GLIS1: variants seen among roughly 807,000 people sequenced by gnomAD.
The protein encoded by GLIS1 is zinc finger protein GLIS1.
In GLIS1, 24 loss-of-function variants were observed where a neutral mutation model predicts 63.8. The observed-to-expected ratio is 0.38, with a 90% confidence interval of 0.27 to 0.53. The LOEUF (loss-of-function observed/expected upper bound fraction) is 0.53, where lower values mean the gene tolerates loss of function less well. GLIS1 is among the 20% of genes least tolerant of loss of function. GLIS1 has a pLI of 0.85. For synonymous variants in GLIS1, 450 were observed against 482.5 expected (o/e 0.93, Z 0.88); for missense variants, 1,036 against 1,074.1 (o/e 0.96, Z 0.50).
At chr1:53,518,101 C>T (rs1644370453) in intron 7 of GLIS1, among the ~76,000 whole-genome samples, 2 of 152,208 alleles carry the variant, frequency 1.3e-5, no homozygotes, top group South Asian at 2.1e-4. Flanking sequence ...CTGCGGCCTG[C>T]AGAAGAACCC....
chr1:53,662,273 A>G (rs17109045), intron 2 of GLIS1, among the ~76,000 whole-genome samples: 2,484 of 152,268 alleles, frequency 0.016, 50 homozygotes, highest in African/African-American at 0.055. Context: ...CTATAAAAAC[A>G]TGCAGCATTA....
At chr1:53,709,814 G>A (rs1646627466) in intron 2 of GLIS1, among the ~76,000 whole-genome samples, 1 of 152,164 alleles carries the variant, frequency 6.6e-6, no homozygotes, top group African/African-American at 2.4e-5. Flanking sequence ...TCAGTGACTG[G>A]GTGGGTGGAT....
At chr1:53,623,461 TC>T (rs1645566062) in intron 2 of GLIS1, among the ~76,000 whole-genome samples, 1 of 152,104 alleles carries the variant, frequency 6.6e-6, no homozygotes, top group Admixed American at 6.5e-5. Flanking sequence ...GCTGAATGTT[TC>T]CCCCCAAGAC....
intron 2 of GLIS1, among the ~76,000 whole-genome samples, chr1:53,653,079 C>A (rs1645926116): frequency 6.6e-6 from 1 of 150,604 alleles, no homozygotes; most frequent in African/African-American, 2.4e-5. Context: ...CTCCTGTGGG[C>A]AGGCCCTGTG....
chr1:53,665,296 C>G (rs1646079213), intron 2 of GLIS1, among the ~76,000 whole-genome samples: 1 of 152,050 alleles, frequency 6.6e-6, no homozygotes, highest in Admixed American at 6.5e-5. Flanking sequence ...CTAGTAGGAA[C>G]ATGGGGAAGA....
intron 2 of GLIS1, among the ~76,000 whole-genome samples, chr1:53,682,961 G>A (rs1045780253): frequency 6.6e-6 from 1 of 152,198 alleles, no homozygotes; most frequent in African/African-American, 2.4e-5. Context: ...AGAGGAATCA[G>A]GAAGTCTTCC....
chr1:53,685,451 C>T (rs1211552903), intron 2 of GLIS1, among the ~76,000 whole-genome samples: 1 of 152,230 alleles, frequency 6.6e-6, no homozygotes, highest in Admixed American at 6.5e-5. Context: ...CTGACCTCCT[C>T]GGCAATGTTT....
Position 53,581,253 on chromosome 1 carries a change from G to A in GLIS1, c.1320+12855C>T, listed in dbSNP as rs146293644. Among the ~76,000 whole-genome samples the A allele has an allele frequency of 9.4e-3, 1,433 of 152,262 alleles. 13 individuals carry two copies. The highest frequency in any genetic ancestry group is 0.037 in the Middle Eastern group (11 of 294). On this transcript the variant is annotated intron_variant, in intron 4 of 10. Coordinates refer to ENST00000628545, the MANE Select transcript of GLIS1 (RefSeq NM_001367484.1). ...GGGCACTGGGCTGGCCTCCCTGGGC[G>A]GACAGTCCCAGCTAGGCTGACCCAG...
In GLIS1 at chr1:53,707,149, T is replaced by G. The variant is rs866875988; in HGVS notation, c.259+30657A>C. Among the ~76,000 whole-genome samples the G allele has an allele frequency of 5.9e-5, 9 of 152,206 alleles. No individual in the cohort carries two copies. The South Asian group carries it at 6.2e-4, about 11-fold the overall frequency. On this transcript the variant is annotated intron_variant, in intron 2 of 10. Transcript: ENST00000628545. ...CAGTCCCCTTCCTTCCCTGGCACCTTCCCAGGCTGTTTTGAAGCCCTGAAA... is the reference window on the plus strand; with the variant it reads ...CAGTCCCCTTCCTTCCCTGGCACCTGCCCAGGCTGTTTTGAAGCCCTGAAA...
chr1:53,553,208 C>T (rs1313802614), intron 4 of GLIS1, among the ~76,000 whole-genome samples: 1 of 152,156 alleles, frequency 6.6e-6, no homozygotes, highest in Non-Finnish European at 1.5e-5. Flanking sequence ...AGCGCAGCCT[C>T]GGGGCTGGAG....
At position 53,639,201 on chromosome 1, in the gene GLIS1, T is replaced by G. The variant is rs1264493026; in HGVS notation, c.260-38923A>C. ...CTAGAGATGAAGCCACACCAGCCGA[T>G]GCAGAGTACCCACATGACACTGGCC... On this transcript the variant is annotated intron_variant, in intron 2 of 10. Transcript: ENST00000628545. This position sits in a 1 kb window ranked among gnomAD's most constrained non-coding sequence, Gnocchi z 4.6. Among the ~76,000 whole-genome samples the G allele has an allele frequency of 6.6e-6, 1 of 152,114 alleles. No homozygotes were observed. Among genetic ancestry groups the G allele is most frequent in the Non-Finnish European group, 1.5e-5 (1 of 68,006 alleles).
In GLIS1 at chr1:53,560,124, A is replaced by T. The variant is rs1325396750; in HGVS notation, c.1321-30172T>A. Reference sequence around the variant, plus strand: ...CACACACACAACATAAGGAATTTCTAACCAGGACTCTGCTGTGGGCAGGGA... The same window carrying T: ...CACACACACAACATAAGGAATTTCTTACCAGGACTCTGCTGTGGGCAGGGA... On this transcript the variant is annotated intron_variant, in intron 4 of 10. Coordinates refer to ENST00000628545, the MANE Select transcript of GLIS1 (RefSeq NM_001367484.1). The surrounding 1 kb of genome is among the most constrained non-coding windows in gnomAD (Gnocchi z 4.4). Among the ~76,000 whole-genome samples the T allele has an allele frequency of 2.6e-5, 4 of 152,212 alleles. No homozygotes were observed. Among genetic ancestry groups the T allele is most frequent in the African/African-American group, 9.7e-5 (4 of 41,446 alleles).
intron 4 of GLIS1, among the ~76,000 whole-genome samples, chr1:53,544,282 T>C (rs548707940): frequency 4.6e-5 from 7 of 152,198 alleles, no homozygotes; most frequent in Admixed American, 6.5e-5. Context: ...GGGTTGCCAA[T>C]AGGGCTGAGG....
intron 8 of GLIS1, among the ~76,000 whole-genome samples, chr1:53,510,357 C>T (rs1644286757): frequency 6.6e-6 from 1 of 152,336 alleles, no homozygotes. Context: ...TGTCTCTGAG[C>T]CCTGGTTTCC....
Position 53,727,171 on chromosome 1 carries a change from G to A in GLIS1, c.259+10635C>T, listed in dbSNP as rs543085494. ...CTCTAAAAGCCATGTGGCCGCCTTT[G>A]GATAAGTAACATGACCTCTCTGAAC... On this transcript the variant is annotated intron_variant, in intron 2 of 10. Transcript: ENST00000628545. Among the ~76,000 whole-genome samples the A allele has an allele frequency of 5.3e-5, 8 of 152,346 alleles. No individual in the cohort carries two copies. The East Asian group carries it at 1.4e-3, about 26-fold the overall frequency.
chr1:53,572,027 C>G (rs983716877), intron 4 of GLIS1, among the ~76,000 whole-genome samples: 1 of 152,126 alleles, frequency 6.6e-6, no homozygotes, highest in East Asian at 1.9e-4. Context: ...AAGAAAGCAG[C>G]GAACACTAAA....
At chr1:53,540,571 C>T (rs2100366851) in intron 4 of GLIS1, among the ~76,000 whole-genome samples, 1 of 152,242 alleles carries the variant, frequency 6.6e-6, no homozygotes, top group Admixed American at 6.5e-5. Flanking sequence ...AACATTAGTC[C>T]CCTTTTGGGA....
chr1:53,571,655 C>A (rs143853855), intron 4 of GLIS1, among the ~76,000 whole-genome samples: 1,970 of 152,218 alleles, frequency 0.013, 24 homozygotes, highest in Middle Eastern at 0.048. Context: ...GGGCTCGCTG[C>A]AAGCTCCACC....
Position 53,613,993 on chromosome 1 carries a change from G to A in GLIS1, c.260-13715C>T, listed in dbSNP as rs12402528. On this transcript the variant is annotated intron_variant, in intron 2 of 10. Transcript: ENST00000628545. ...ATATTTATAAGAATTAATTATAAGC[G>A]CAGGATTCAAAATTCCATATACTAA... Among the ~76,000 whole-genome samples the A allele has an allele frequency of 5.6e-3, 859 of 152,246 alleles. 16 individuals are homozygous for A. The highest frequency in any genetic ancestry group is 0.044 in the East Asian group (229 of 5,178).
Sources: gnomAD v4.1 joint callset for allele counts (sites outside exome capture counted in the v4.1 genomes callset) on GRCh38, gnomAD v4.1.1 for gene constraint, Gnocchi (gnomAD v3.1) non-coding constraint, MANE v1.5 for transcripts, NCBI Gene and HGNC (gene_info 2026-07-23, HGNC 2026-07-21) for gene names.